ZNF280B: variants seen among roughly 807,000 people sequenced by gnomAD.
The protein encoded by ZNF280B is suppressor of hairy wing homolog 2.
ZNF280B carries 16 observed loss-of-function variants against 38.0 expected under a neutral mutation model. The observed-to-expected ratio is 0.42, with a 90% CI of 0.28 to 0.64. ZNF280B has a LOEUF of 0.64. ZNF280B is among the 30% of genes least tolerant of loss of function. The pLI, the probability that ZNF280B is intolerant of heterozygous loss-of-function variation, is 0.21. For synonymous variants in ZNF280B, 253 were observed against 230.6 expected (o/e 1.10, Z -0.88); for missense variants, 581 against 639.6 (o/e 0.91, Z 0.99).
In ZNF280B at chr22:22,488,194, G is replaced by T. The variant is rs770035925; in HGVS notation, c.1205C>A (p.Pro402His). The change falls in exon 4 of 4, where the codon CCC becomes CAC. Residue 402 changes from proline (P) to histidine (H), a missense_variant. Transcript: ENST00000626650. ...ATAATGGCAAACCTGGCACACATAG[G>T]GCATTTCGCCAGGCTTATGATGGTC... Reference protein sequence around the residue: ...MKDHHKPGEMPYVCQVCHYRS... With the variant: ...MKDHHKPGEMHYVCQVCHYRS... 4 of 1,613,858 alleles carry T rather than the reference G, an allele frequency of 2.5e-6. No homozygotes were observed. The South Asian group carries it at 4.4e-5, about 18-fold the overall frequency.
At chr22:22,508,149 G>C (rs2061977220) in intron 1 of ZNF280B, among the ~76,000 whole-genome samples, 1 of 151,962 alleles carries the variant, frequency 6.6e-6, no homozygotes, top group South Asian at 2.1e-4. Context: ...GCTGCATTAA[G>C]AGTCCCGACA....
chr22:22,504,707 A>G (rs541541190), intron 2 of ZNF280B, among the ~76,000 whole-genome samples: 1 of 151,994 alleles, frequency 6.6e-6, no homozygotes, highest in Non-Finnish European at 1.5e-5. Flanking sequence ...GTATTCAATC[A>G]GTAGAATTAA....
chr22:22,499,247 T>A (rs2146823119), intron 2 of ZNF280B, among the ~76,000 whole-genome samples: 1 of 151,898 alleles, frequency 6.6e-6, no homozygotes, highest in East Asian at 2.0e-4. Flanking sequence ...AACAATAATT[T>A]TATTTTTATT....
intron 2 of ZNF280B, among the ~76,000 whole-genome samples, chr22:22,503,732 C>T (rs190939688): frequency 6.6e-6 from 1 of 152,094 alleles, no homozygotes; most frequent in East Asian, 2.0e-4. Context: ...AAACTTCTAT[C>T]TCTGTGGAAT....
chr22:22,488,946 T>C lies in ZNF280B; in HGVS notation c.453A>G (p.Ser151=). 6.2e-7 allele frequency: 1 copy of C among 1,613,840 alleles called. No individual in the cohort carries two copies. The highest frequency in any genetic ancestry group is 1.1e-5 in the South Asian group (1 of 91,070). The change falls in exon 4 of 4, where the codon TCA becomes TCG. Residue 151 remains serine (S), a synonymous_variant. Transcript: ENST00000626650. ...GTGCTGTACTTACTGGATGATGCAA[T>C]GAATCTGTGAATGTAATCAAAGGAG... ...LPSPLITFTD[S]LHHPVSTALS... is the part of the protein sequence containing the mutation.
rs2061832233 is a variant in ZNF280B at position 22,501,862 on chromosome 22, T to C, written c.-187+5948A>G. 2.0e-5 allele frequency among the ~76,000 whole-genome samples: 3 copies of C among 151,714 alleles called. No homozygotes were observed. In the South Asian group the frequency reaches 6.2e-4, roughly 32 times the overall value. On this transcript the variant is annotated intron_variant, in intron 2 of 3. Transcript: ENST00000626650. The stretch of plus-strand genomic sequence containing the variant: ...CTACCTCTACAAAAAATTAAAAAAT[T>C]AACCGGGCGTGGTAGAGTGTGCCCG...
intron 2 of ZNF280B, among the ~76,000 whole-genome samples, chr22:22,506,812 A>C (rs906721336): frequency 2.0e-5 from 3 of 151,916 alleles, no homozygotes; most frequent in Non-Finnish European, 4.4e-5. Flanking sequence ...GTAACAGGAC[A>C]ATGCTTTGAG....
At position 22,488,573 on chromosome 22, in the gene ZNF280B, G is replaced by C. The variant is rs769246136; in HGVS notation, c.826C>G (p.Pro276Ala). 1.9e-6 allele frequency: 3 copies of C among 1,613,896 alleles called. No homozygotes were observed. The East Asian group carries it at 6.7e-5, about 36-fold the overall frequency. Residue 276 changes from proline (P) to alanine (A), a missense_variant, in exon 4 of 4, where the codon CCC becomes GCC. Physicochemically the swap from Pro to Ala is conservative, Grantham distance 27 (BLOSUM62 -1). Coordinates refer to ENST00000626650, the MANE Select transcript of ZNF280B (RefSeq NM_080764.4). ...AACACAATGGGATTTTCTTTCTTGG[G>C]ATCAAAGGTCTTGTTTTGACTTGTT... The part of the protein sequence containing the change: ...SLTSQNKTFD[P>A]KKENPIVLLS...
In ZNF280B at chr22:22,489,430, C is replaced by A; in HGVS notation, c.-32G>T. 1.3e-6 allele frequency: 2 copies of A among 1,550,390 alleles called. No homozygotes were observed. Among genetic ancestry groups the A allele is most frequent in the South Asian group, 1.3e-5 (1 of 78,838 alleles). ...ATTTTTTTATTCCTGAATGGTGGGG[C>A]CACAAGTCCCAATGCTTCCTTTATA... is the stretch of plus-strand genomic sequence containing the variant. On this transcript the variant is annotated 5_prime_UTR_variant, in exon 4 of 4. Transcript: ENST00000626650.
rs573936814 is a variant in ZNF280B at position 22,508,459 on chromosome 22, G to A, written c.-248+200C>T. 7.2e-5 allele frequency among the ~76,000 whole-genome samples: 11 copies of A among 151,928 alleles called. 1 individual carries two copies. In the South Asian group the frequency reaches 2.3e-3, roughly 32 times the overall value. Reference sequence around the variant, plus strand: ...GTAAAAGTGGCGCCCGCTGAGATTAGGGAAGGGGGTGTGCGTGAGGGGATC... The same window carrying A: ...GTAAAAGTGGCGCCCGCTGAGATTAAGGAAGGGGGTGTGCGTGAGGGGATC... On this transcript the variant is annotated intron_variant, in intron 1 of 3. Coordinates refer to ENST00000626650, the MANE Select transcript of ZNF280B (RefSeq NM_080764.4).
rs941806032 is a variant in ZNF280B, at chr22:22,487,346, G to T, written c.*421C>A. 6.6e-6 allele frequency: 1 copy of T among 150,572 alleles called. No individual in the cohort carries two copies. The highest frequency in any genetic ancestry group is 1.5e-5 in the Non-Finnish European group (1 of 68,066). The allele number at this position is 150,572 out of a possible 1,614,324, so 9.3% of individuals were successfully genotyped here. A position where few individuals can be genotyped will look rare whatever the true frequency, so the allele number is the denominator to read the frequency against. Reference sequence around the variant, plus strand: ...TAGTCCTAGCTACTCTCCAAAGGCTGAGGCGGAGGAATGCTTGAGCCTGGA... The same window carrying T: ...TAGTCCTAGCTACTCTCCAAAGGCTTAGGCGGAGGAATGCTTGAGCCTGGA... On this transcript the variant is annotated 3_prime_UTR_variant, in exon 4 of 4. Coordinates refer to ENST00000626650, the MANE Select transcript of ZNF280B (RefSeq NM_080764.4).
In ZNF280B at chr22:22,488,831, GTT is replaced by G; in HGVS notation, c.566_567del (p.Lys189ThrfsTer32). The G allele has an allele frequency of 6.2e-7, 1 of 1,613,816 alleles. No individual in the cohort carries two copies. The highest frequency in any genetic ancestry group is 1.7e-5 in the Admixed American group (1 of 59,978). On this transcript the variant is annotated frameshift_variant, in exon 4 of 4. Coordinates refer to ENST00000626650, the MANE Select transcript of ZNF280B (RefSeq NM_080764.4). LOFTEE classifies it high-confidence loss of function. ...TTTCCTTCTATAATTCCATCCCTGA[GTT>G]TAGCCCTTTTGGGATTTATGCTGTT... The part of the protein sequence containing the change: ...EVNSINPKRA[K>X]LRDGIIEGNS...
intron 2 of ZNF280B, among the ~76,000 whole-genome samples, chr22:22,496,377 C>A (rs2061695306): frequency 6.6e-6 from 1 of 151,846 alleles, no homozygotes. Flanking sequence ...GGATTACAGG[C>A]GTGAGCCACT....
chr22:22,490,762 C>T (rs746980784), intron 3 of ZNF280B, among the ~76,000 whole-genome samples: 1 of 151,910 alleles, frequency 6.6e-6, no homozygotes, highest in Non-Finnish European at 1.5e-5. Context: ...GGAACTGCAC[C>T]TGGCCCTCCC....
rs961296797 is a variant in ZNF280B at position 22,498,857 on chromosome 22, G to A, written c.-186-4677C>T. 3.8e-5 allele frequency among the ~76,000 whole-genome samples: 5 copies of A among 130,960 alleles called. No individual in the cohort carries two copies. In the Admixed American group the frequency reaches 4.7e-4, roughly 12 times the overall value. The allele number at this position is 130,960 out of a possible 152,430, so 85.9% of individuals were successfully genotyped here. ...CTGTCGCCCAGGCTGGAGTGCAGTG[G>A]CGTGATCTCGGCTCACTACAAGCTC... On this transcript the variant is annotated intron_variant, in intron 2 of 3. Coordinates refer to ENST00000626650, the MANE Select transcript of ZNF280B (RefSeq NM_080764.4).
At chr22:22,505,331 C>T (rs191943567) in intron 2 of ZNF280B, among the ~76,000 whole-genome samples, 27 of 151,894 alleles carry the variant, frequency 1.8e-4, no homozygotes, top group African/African-American at 6.5e-4. Flanking sequence ...TTTGGGAGGC[C>T]GAGGCGGGTG....
Position 22,488,855 on chromosome 22 carries a change from T to C in ZNF280B, c.544A>G (p.Ser182Gly). The change falls in exon 4 of 4, where the codon AGC becomes GGC. Residue 182 changes from serine to glycine, a missense_variant. Transcript: ENST00000626650. Reference sequence around the variant, plus strand: ...AGTTTAGCCCTTTTGGGATTTATGCTGTTTACTTCGAAAGTGGAAAGTTGC... The same window carrying C: ...AGTTTAGCCCTTTTGGGATTTATGCCGTTTACTTCGAAAGTGGAAAGTTGC... ...SKQLSTFEVN[S>G]INPKRAKLRD... 1.2e-6 allele frequency: 2 copies of C among 1,613,838 alleles called. No individual in the cohort carries two copies. Among genetic ancestry groups the C allele is most frequent in the Non-Finnish European group, 1.7e-6 (2 of 1,179,966 alleles).
rs1267286563 is a variant in ZNF280B, at chr22:22,484,832, G to A, written c.*2935C>T. ...AAGAAAAGAGTGGGGAGAGAGTAAA[G>A]TGCCTTTAAGAGGAAAAGTAGAAGT... On this transcript the variant is annotated 3_prime_UTR_variant, in exon 4 of 4. Coordinates refer to ENST00000626650, the MANE Select transcript of ZNF280B (RefSeq NM_080764.4). 6.6e-6 allele frequency: 1 copy of A among 151,694 alleles called. No individual in the cohort carries two copies. The highest frequency in any genetic ancestry group is 6.6e-5 in the Admixed American group (1 of 15,160). The allele number at this position is 151,694 out of a possible 1,614,324, so 9.4% of individuals were successfully genotyped here.
intron 2 of ZNF280B, among the ~76,000 whole-genome samples, chr22:22,496,058 G>A (rs185903321): frequency 1.4e-3 from 212 of 150,080 alleles, no homozygotes; most frequent in Non-Finnish European, 2.4e-3. Context: ...CACCCACCTC[G>A]GCCTCCCAAA....
Sources: allele counts gnomAD v4.1 joint callset (sites outside exome capture counted in the v4.1 genomes callset), GRCh38; gene constraint gnomAD v4.1.1; transcripts MANE v1.5; gene names NCBI Gene and HGNC (gene_info 2026-07-23, HGNC 2026-07-21).